CMYA5: variants seen among roughly 807,000 people sequenced by gnomAD.
The protein encoded by CMYA5 is cardiomyopathy-associated protein 5.
Under a neutral mutation model 318.9 loss-of-function variants are expected in CMYA5, and 246 were observed. The observed-to-expected ratio is 0.77, with a 90% CI of 0.70 to 0.86. The LOEUF (loss-of-function observed/expected upper bound fraction) is 0.86, where lower values mean the gene tolerates loss of function less well. CMYA5 is among the 40% of genes least tolerant of loss of function. The pLI is 0.00. For missense variants in CMYA5, 4,589 were observed against 4,678.2 expected (o/e 0.98, Z 0.56); for synonymous variants, 1,641 against 1,729.5 (o/e 0.95, Z 1.27).
chr5:79,721,715 A>C (rs902852255), intron 1 of CMYA5, among the ~76,000 whole-genome samples: 1 of 152,206 alleles, frequency 6.6e-6, no homozygotes, highest in African/African-American at 2.4e-5. Context: ...CTCTAGAAAA[A>C]AATCTTTATT....
intron 6 of CMYA5, among the ~76,000 whole-genome samples, chr5:79,753,828 T>C (rs1251397175): frequency 6.7e-6 from 1 of 148,428 alleles, no homozygotes; most frequent in Non-Finnish European, 1.5e-5. Context: ...ATGGATTTTC[T>C]CTAGAAATGT....
chr5:79,690,016 G>A lies in CMYA5; in HGVS notation c.109G>A (p.Asp37Asn). Residue 37 changes from aspartate (D) to asparagine (N), a missense_variant, in exon 1 of 13, where the codon GAC becomes AAC. Asp to Asn is a conservative substitution (Grantham distance 23, BLOSUM62 1). This residue lies in a region of CMYA5 where 2,132 missense variants were observed against 2,131.3 expected (regional missense o/e 1.00). Coordinates refer to ENST00000446378, the MANE Select transcript of CMYA5 (RefSeq NM_153610.5). The part of the protein sequence containing the change: ...ETEEESEGEE[D>N]ETAAESEEEP... The stretch of plus-strand genomic sequence containing the variant: ...CGAGGAGGAGTCGGAGGGCGAGGAG[G>A]ACGAGACGGCGGCGGAGTCGGAGGA... 6.7e-7 allele frequency: 1 copy of A among 1,485,952 alleles called. No homozygotes were observed. The highest frequency in any genetic ancestry group is 1.3e-5 in the South Asian group (1 of 77,888). 92.0% of individuals were successfully genotyped at this position (1,485,952 alleles called of 1,614,324 possible). A position where few individuals can be genotyped will look rare whatever the true frequency, so the allele number is the denominator to read the frequency against.
At chr5:79,708,876 G>C (rs1209467474) in intron 1 of CMYA5, among the ~76,000 whole-genome samples, 1 of 152,120 alleles carries the variant, frequency 6.6e-6, no homozygotes, top group East Asian at 1.9e-4. Flanking sequence ...GGAGGTTGCA[G>C]TAAGCTGAGA....
At chr5:79,763,284 C>T in intron 9 of CMYA5, 75 bp downstream of exon 9, 1 of 1,287,412 alleles carries the variant, frequency 7.8e-7, no homozygotes, top group Non-Finnish European at 1.0e-6. Flanking sequence ...TACCCTCTAA[C>T]TTCTGCTCAC....
At position 79,760,188 on chromosome 5, in the gene CMYA5, CTT is replaced by C. The variant is rs11304680; in HGVS notation, c.11260+1300_11260+1301del. Among the ~76,000 whole-genome samples, 554 of 143,878 alleles carry C rather than the reference CTT, an allele frequency of 3.9e-3. 4 individuals are homozygous for C. Among genetic ancestry groups the C allele is most frequent in the African/African-American group, 0.011 (432 of 39,366 alleles). The allele number at this position is 143,878 out of a possible 152,430, so 94.4% of individuals were successfully genotyped here. ...TATCAAATAGTTGTTGCTTGGCCTG[CTT>C]TTTTTTTTTTTTTACTGGGTTTCAC... On this transcript the variant is annotated intron_variant, in intron 7 of 12. Coordinates refer to ENST00000446378, the MANE Select transcript of CMYA5 (RefSeq NM_153610.5).
At chr5:79,702,045 A>C (rs987541227) in intron 1 of CMYA5, among the ~76,000 whole-genome samples, 13 of 152,138 alleles carry the variant, frequency 8.5e-5, no homozygotes, top group Admixed American at 8.5e-4. Context: ...TGAAGCTTGC[A>C]GTGAGCTGAG....
intron 6 of CMYA5, among the ~76,000 whole-genome samples, chr5:79,755,996 A>AG (rs1274195642): frequency 6.6e-6 from 1 of 152,216 alleles, no homozygotes; most frequent in Non-Finnish European, 1.5e-5. Flanking sequence ...ATAGGATAAA[A>AG]GGGGGAGCAT....
At position 79,733,493 on chromosome 5, in the gene CMYA5, A is replaced by C; in HGVS notation, c.4728A>C (p.Leu1576Phe). The change falls in exon 2 of 13, where the codon TTA (leucine) becomes TTC (phenylalanine). Residue 1576 changes from leucine (L) to phenylalanine (F), a missense_variant. Leu to Phe is a conservative substitution (Grantham distance 22). Around this residue, in one of 3 missense-constraint regions of CMYA5, gnomAD observed 2,132 missense variants for 2,131.3 expected, o/e 1.00. Transcript: ENST00000446378. Reference protein sequence around the residue: ...TASSSPELENLASGLAPTLLL... With the variant: ...TASSSPELENFASGLAPTLLL... The stretch of plus-strand genomic sequence containing the variant: ...GTTCATCTCCTGAGTTGGAAAATTT[A>C]GCATCAGGTTTAGCCCCAACATTAC... 1 of 1,613,974 alleles carries C rather than the reference A, an allele frequency of 6.2e-7. No homozygotes were observed. Among genetic ancestry groups the C allele is most frequent in the East Asian group, 2.2e-5 (1 of 44,874 alleles).
intron 9 of CMYA5, among the ~76,000 whole-genome samples, chr5:79,786,778 T>C (rs776835031): frequency 2.0e-5 from 3 of 152,206 alleles, no homozygotes; most frequent in Non-Finnish European, 4.4e-5. Flanking sequence ...AACGAACCAT[T>C]TGTTCTAACC....
Position 79,729,940 on chromosome 5 carries a change from G to T in CMYA5, c.1175G>T (p.Arg392Ile). 6.2e-7 allele frequency: 1 copy of T among 1,613,862 alleles called. No individual in the cohort carries two copies. Among genetic ancestry groups the T allele is most frequent in the South Asian group, 1.1e-5 (1 of 91,008 alleles). The change falls in exon 2 of 13, where the codon AGA becomes ATA. Residue 392 changes from arginine (R) to isoleucine (I), a missense_variant. Coordinates refer to ENST00000446378, the MANE Select transcript of CMYA5 (RefSeq NM_153610.5). ...TPDTPATMFL[R>I]TTKEECELAS... ...GACACACCTGCAACTATGTTCCTGA[G>T]AACAACAAAGGAAGAATGTGAGCTT...
chr5:79,733,679 G>C lies in CMYA5; in HGVS notation c.4914G>C (p.Gly1638=). The change falls in exon 2 of 13, where the codon GGG becomes GGC. Residue 1638 remains glycine, a synonymous_variant. Transcript: ENST00000446378. The part of the protein sequence containing the change: ...PHQPLELPNA[G]SEFSSDLGRQ... Reference sequence around the variant, plus strand: ...AACCGTTGGAATTACCAAATGCTGGGTCAGAATTTTCTAGTGATTTAGGTA... The same window carrying C: ...AACCGTTGGAATTACCAAATGCTGGCTCAGAATTTTCTAGTGATTTAGGTA... 1 of 1,613,860 alleles carries C rather than the reference G, an allele frequency of 6.2e-7. No individual in the cohort carries two copies. The highest frequency in any genetic ancestry group is 8.5e-7 in the Non-Finnish European group (1 of 1,179,822).
At chr5:79,700,808 A>G (rs988262488) in intron 1 of CMYA5, among the ~76,000 whole-genome samples, 1 of 152,226 alleles carries the variant, frequency 6.6e-6, no homozygotes, top group South Asian at 2.1e-4. Context: ...AGCCAAGCAC[A>G]GATAGACAAA....
At chr5:79,724,698 A>G (rs534541292) in intron 1 of CMYA5, among the ~76,000 whole-genome samples, 1 of 152,332 alleles carries the variant, frequency 6.6e-6, no homozygotes, top group South Asian at 2.1e-4. Context: ...TGATATTTAC[A>G]TAGATGGGAA....
chr5:79,737,177 C>G lies in CMYA5; in HGVS notation c.8412C>G (p.Ser2804Arg), dbSNP rs773896788. The G allele has an allele frequency of 9.9e-6, 16 of 1,612,990 alleles. No homozygotes were observed. The highest frequency in any genetic ancestry group is 6.7e-5 in the Admixed American group (4 of 59,798). Reference sequence around the variant, plus strand: ...CTCGTCCTTTTGATGAAACTAAGAGCTCAGAAACACCGCCATATTTGCTGT... The same window carrying G: ...CTCGTCCTTTTGATGAAACTAAGAGGTCAGAAACACCGCCATATTTGCTGT... ...TLARPFDETK[S>R]SETPPYLLSP... Residue 2804 changes from serine (S) to arginine (R), a missense_variant, in exon 2 of 13, where the codon AGC becomes AGG. Physicochemically the swap from Ser to Arg is moderately radical, Grantham distance 110 (BLOSUM62 -1). This residue lies in a region of CMYA5 where 2,431 missense variants were observed against 2,495.1 expected (regional missense o/e 0.97). Coordinates refer to ENST00000446378, the MANE Select transcript of CMYA5 (RefSeq NM_153610.5).
intron 9 of CMYA5, among the ~76,000 whole-genome samples, chr5:79,767,937 T>C (rs1828784257): frequency 6.6e-6 from 1 of 152,130 alleles, no homozygotes; most frequent in South Asian, 2.1e-4. Flanking sequence ...TGAGTCTAAG[T>C]CTCTTTGTAG....
At chr5:79,752,854 T>G in intron 6 of CMYA5, 60 bp downstream of exon 6, 1 of 1,181,454 alleles carries the variant, frequency 8.5e-7, no homozygotes, top group East Asian at 2.4e-5. Flanking sequence ...CTTGTTTGTT[T>G]TGTATGTAAT....
chr5:79,733,400 TTCATCACAA>T lies in CMYA5; in HGVS notation c.4636_4644del (p.Ser1546_Gln1548del), dbSNP rs1195245730. ...TAAAGAAGAAAGAAACTGAACTTCCTTCATCACAAAATGTGTCACCTGCATCCAAACATA... is the reference window on the plus strand; with the variant it reads ...TAAAGAAGAAAGAAACTGAACTTCCTAATGTGTCACCTGCATCCAAACATA... On this transcript the variant is annotated inframe_deletion, in exon 2 of 13. Coordinates refer to ENST00000446378, the MANE Select transcript of CMYA5 (RefSeq NM_153610.5). The T allele has an allele frequency of 6.2e-7, 1 of 1,613,600 alleles. No individual in the cohort carries two copies. Among genetic ancestry groups the T allele is most frequent in the Non-Finnish European group, 8.5e-7 (1 of 1,179,826 alleles).
intron 5 of CMYA5, among the ~76,000 whole-genome samples, chr5:79,751,758 C>T (rs1377415540): frequency 6.6e-6 from 1 of 152,096 alleles, no homozygotes; most frequent in African/African-American, 2.4e-5. Context: ...AGCAGACGGA[C>T]AAAAACCGAA....
chr5:79,690,745 A>G (rs1480573569), intron 1 of CMYA5, among the ~76,000 whole-genome samples: 3 of 152,140 alleles, frequency 2.0e-5, no homozygotes, highest in Non-Finnish European at 4.4e-5. Context: ...ATTAGCTTCT[A>G]CCTTCACTTG....
Sources: gnomAD v4.1 joint callset for allele counts (sites outside exome capture counted in the v4.1 genomes callset) on GRCh38, gnomAD v4.1.1 for gene constraint, gnomAD v4.1.1 regional missense constraint, MANE v1.5 for transcripts, NCBI Gene and HGNC (gene_info 2026-07-23, HGNC 2026-07-21) for gene names.